GADL1: variants seen among roughly 807,000 people sequenced by gnomAD.
GADL1 encodes GAD like acidic amino acid decarboxylase 1.
In GADL1, 71 loss-of-function variants were observed where a neutral mutation model predicts 69.5. The ratio of observed to expected loss-of-function variants is 1.02; its 90% CI spans 0.84 to 1.25. GADL1 has a LOEUF of 1.25. Ranked by LOEUF, GADL1 falls within the 50% of genes most tolerant of loss-of-function variation. The pLI, the probability that GADL1 is intolerant of heterozygous loss-of-function variation, is 0.00. For synonymous variants in GADL1, 254 were observed against 214.4 expected, an observed-to-expected ratio of 1.18 and a Z score of -1.62; for missense variants, 737 against 631.8, an observed-to-expected ratio of 1.17 and a Z score of -1.79.
chr3:30,762,012 T>TA (rs1386398018), intron 14 of GADL1, among the ~76,000 whole-genome samples: 17 of 152,116 alleles, frequency 1.1e-4, no homozygotes, highest in Non-Finnish European at 2.2e-4. Context: ...AGACAGTGAG[T>TA]ACAGGTCTTG....
intron 1 of GADL1, among the ~76,000 whole-genome samples, chr3:30,868,282 G>T (rs957550925): frequency 6.6e-6 from 1 of 152,030 alleles, no homozygotes; most frequent in Non-Finnish European, 1.5e-5. Flanking sequence ...TCCGTGGTCT[G>T]TAGTCTGGAC....
intron 14 of GADL1, among the ~76,000 whole-genome samples, chr3:30,766,724 C>G (rs1001146806): frequency 6.6e-6 from 1 of 152,022 alleles, no homozygotes; most frequent in Non-Finnish European, 1.5e-5. Flanking sequence ...CAGGAGAGAG[C>G]AGGTGGCTCA....
intron 8 of GADL1, among the ~76,000 whole-genome samples, chr3:30,841,697 G>A (rs1201843084): frequency 6.6e-6 from 1 of 152,054 alleles, no homozygotes; most frequent in African/African-American, 2.4e-5. Flanking sequence ...TGAAATAATG[G>A]GTCTAGACAA....
intron 1 of GADL1, among the ~76,000 whole-genome samples, chr3:30,889,475 C>T (rs6550028): frequency 0.029 from 4,378 of 152,180 alleles, 176 homozygotes; most frequent in African/African-American, 0.089. Flanking sequence ...AGGAGGTATT[C>T]GTGAACTGTC....
intron 11 of GADL1, among the ~76,000 whole-genome samples, chr3:30,822,391 T>C (rs1366191075): frequency 1.3e-5 from 2 of 152,030 alleles, no homozygotes; most frequent in African/African-American, 2.4e-5. Flanking sequence ...TGAGCTGGGC[T>C]GAAGGTGCTG....
intron 11 of GADL1, among the ~76,000 whole-genome samples, chr3:30,827,324 G>A (rs909620457): frequency 2.0e-5 from 3 of 151,782 alleles, no homozygotes; most frequent in Admixed American, 6.6e-5. Flanking sequence ...CCCTGCATTA[G>A]GACCAGTACA....
intron 11 of GADL1, among the ~76,000 whole-genome samples, chr3:30,803,096 A>C (rs1162585855): frequency 1.3e-5 from 2 of 152,202 alleles, no homozygotes; most frequent in South Asian, 2.1e-4. Context: ...TGTCTCTAGA[A>C]TAATAAGAAA....
intron 14 of GADL1, among the ~76,000 whole-genome samples, chr3:30,737,352 T>C (rs1369814268): frequency 6.6e-6 from 1 of 152,126 alleles, no homozygotes; most frequent in African/African-American, 2.4e-5. Flanking sequence ...ATGTCGATTT[T>C]GTAATAAAAC....
rs147587707 is a variant in GADL1, at chr3:30,856,536, A to T, written c.337+479T>A. 5.9e-5 allele frequency among the ~76,000 whole-genome samples: 9 copies of T among 152,224 alleles called. 1 individual carries two copies. Among genetic ancestry groups the T allele is most frequent in the Admixed American group, 5.9e-4 (9 of 15,270 alleles). On this transcript the variant is annotated intron_variant, in intron 3 of 14. Coordinates refer to ENST00000282538, the MANE Select transcript of GADL1 (RefSeq NM_207359.3). ...TTGGTACAGCCAGATTTGATCAAAT[A>T]GTTTGGCAATTACCAACTGCCAAGA...
At chr3:30,825,051 A>AT (rs1331113762) in intron 11 of GADL1, among the ~76,000 whole-genome samples, 1 of 151,906 alleles carries the variant, frequency 6.6e-6, no homozygotes. Flanking sequence ...AACCCTCTAA[A>AT]TTATGATTTT....
At chr3:30,751,504 C>A (rs1026556547) in intron 14 of GADL1, among the ~76,000 whole-genome samples, 1 of 150,936 alleles carries the variant, frequency 6.6e-6, no homozygotes, top group Non-Finnish European at 1.5e-5. Context: ...ACCTGGGCAA[C>A]TAGATCTTGT....
chr3:30,847,845 C>G (rs572070639), intron 6 of GADL1, among the ~76,000 whole-genome samples: 1 of 152,268 alleles, frequency 6.6e-6, no homozygotes, highest in South Asian at 2.1e-4. Flanking sequence ...TCTTTTCACT[C>G]CCAATTCATA....
intron 14 of GADL1, among the ~76,000 whole-genome samples, chr3:30,754,017 C>A (rs1695903752): frequency 6.6e-6 from 1 of 152,180 alleles, no homozygotes; most frequent in African/African-American, 2.4e-5. Context: ...GTGGTGAGGG[C>A]TACTTGCATT....
chr3:30,799,189 C>T (rs1424395069), intron 12 of GADL1: 1 of 152,274 alleles, frequency 6.6e-6, no homozygotes, highest in Non-Finnish European at 1.5e-5. Flanking sequence ...TTCCACACTG[C>T]CCTAGCAGAG....
chr3:30,836,734 G>A (rs1428660728), intron 9 of GADL1, among the ~76,000 whole-genome samples: 6 of 143,986 alleles, frequency 4.2e-5, no homozygotes, highest in African/African-American at 1.4e-4. Flanking sequence ...AATGAGGAAT[G>A]GGTGAGAGAA....
chr3:30,808,310 A>T (rs1413628070), intron 11 of GADL1, among the ~76,000 whole-genome samples: 1 of 152,164 alleles, frequency 6.6e-6, no homozygotes, highest in African/African-American at 2.4e-5. Context: ...AGCCTGACCA[A>T]CATGGTTGAA....
intron 11 of GADL1, among the ~76,000 whole-genome samples, chr3:30,815,011 C>A (rs1348229542): frequency 3.3e-5 from 5 of 151,814 alleles, no homozygotes; most frequent in Non-Finnish European, 7.4e-5. Context: ...ATTTTTAATC[C>A]CTTTTACACA....
intron 11 of GADL1, among the ~76,000 whole-genome samples, chr3:30,816,538 T>G (rs1313590121): frequency 3.2e-3 from 162 of 50,546 alleles, no homozygotes; most frequent in African/African-American, 0.017. Context: ...TTCTTTTTTT[T>G]TTTTTTTTTT....
At chr3:30,845,204 A>G (rs575228985) in intron 6 of GADL1, among the ~76,000 whole-genome samples, 1 of 152,316 alleles carries the variant, frequency 6.6e-6, no homozygotes, top group South Asian at 2.1e-4. Context: ...TAATAGATGA[A>G]TATGGAATTA....
Sources: gnomAD v4.1 joint callset for allele counts (sites outside exome capture counted in the v4.1 genomes callset) on GRCh38, gnomAD v4.1.1 for gene constraint, MANE v1.5 for transcripts, NCBI Gene and HGNC (gene_info 2026-07-23, HGNC 2026-07-21) for gene names.